Variants in THAP8 observed in about 807,000 individuals in gnomAD.
The protein encoded by THAP8 is THAP domain containing 8, also known as THAP domain-containing protein 8.
A neutral mutation model predicts 25.0 loss-of-function variants in THAP8; 24 were observed. The observed-to-expected ratio is 0.96, with a 90% CI of 0.69 to 1.35. The LOEUF is 1.35. THAP8 is among the 40% of genes most tolerant of loss of function. The probability of loss-of-function intolerance (pLI) is 0.00; values close to 1 mark genes in which losing one functional copy is unlikely to be tolerated. For missense variants in THAP8, 399 were observed against 368.8 expected (o/e 1.08, Z -0.67); for synonymous variants, 169 against 157.6 (o/e 1.07, Z -0.54).
chr19:36,039,281 C>T, intron 3 of THAP8, 42 bp downstream of exon 3: 1 of 1,424,796 alleles, frequency 7.0e-7, no homozygotes, highest in Non-Finnish European at 9.1e-7. Context: ...CAGGCCAGGC[C>T]ACCACCCATG....
upstream of THAP8, chr19:36,054,337 CTCG>C (rs1181454082): frequency 4.9e-5 from 60 of 1,219,274 alleles, no homozygotes; most frequent in Non-Finnish European, 6.7e-5. Flanking sequence ...TCCGTGGAGT[CTCG>C]TCACGTACCG....
At chr19:36,054,435 G>C (rs745605926), upstream of THAP8, 2 of 614,602 alleles carry the variant, frequency 3.3e-6, no homozygotes, top group Non-Finnish European at 5.8e-6. Flanking sequence ...ATGGGCCATA[G>C]CGAGTACTGT....
chr19:36,049,648 CT>C (rs1969996719), intron 1 of THAP8, among the ~76,000 whole-genome samples: 1 of 146,240 alleles, frequency 6.8e-6, no homozygotes, highest in South Asian at 2.3e-4. Flanking sequence ...CATCTGGCTG[CT>C]ATATACAGTC....
At chr19:36,045,796 G>A (rs761134254) in intron 1 of THAP8, 16 of 456,528 alleles carry the variant, frequency 3.5e-5, no homozygotes, top group East Asian at 2.1e-4. Flanking sequence ...ACCAGGAACC[G>A]GAACAGGCAA....
intron 3 of THAP8, among the ~76,000 whole-genome samples, chr19:36,036,471 T>C (rs1969450921): frequency 6.6e-6 from 1 of 152,064 alleles, no homozygotes; most frequent in South Asian, 2.1e-4. Flanking sequence ...GGTTTCACCA[T>C]GTTGCCCAGT....
At chr19:36,045,034 ATCCATG>A (rs1283889397) in intron 1 of THAP8, among the ~76,000 whole-genome samples, 48 of 152,326 alleles carry the variant, frequency 3.2e-4, no homozygotes, top group Admixed American at 7.2e-4. Context: ...CCCAAAAGCT[ATCCATG>A]TCCTAATTCC....
In THAP8 at chr19:36,035,546, A is replaced by T. The variant is rs373896638; in HGVS notation, c.719T>A (p.Ile240Asn). 6.2e-7 allele frequency: 1 copy of T among 1,614,082 alleles called. No individual in the cohort carries two copies. Among genetic ancestry groups the T allele is most frequent in the Non-Finnish European group, 8.5e-7 (1 of 1,180,010 alleles). ...GGCTATGTCAGGCCCTCCACAGATG[A>T]TGGTGAAGGTTTGGGATTCCTCAGG... is the stretch of plus-strand genomic sequence containing the variant. ...LGPEESQTFT[I>N]ICGGPDIAMV... is the part of the protein sequence containing the mutation. Residue 240 changes from isoleucine to asparagine, a missense_variant, in exon 4 of 4, where the codon ATC (isoleucine) becomes AAC (asparagine). Transcript: ENST00000292894.
At chr19:36,054,366 G>A (rs1381613747), upstream of THAP8, 5 of 945,450 alleles carry the variant, frequency 5.3e-6, no homozygotes, top group East Asian at 1.1e-4. Flanking sequence ...AGAGCTGAGA[G>A]CGCCTGCCTA....
At chr19:36,053,482 G>C (rs546176096) in intron 1 of THAP8, among the ~76,000 whole-genome samples, 40 of 150,418 alleles carry the variant, frequency 2.7e-4, no homozygotes, top group Non-Finnish European at 5.3e-4. Flanking sequence ...TTGAGCCCGG[G>C]AGGTCGAGGT....
intron 1 of THAP8, among the ~76,000 whole-genome samples, chr19:36,049,303 T>C (rs150290538): frequency 3.0e-4 from 45 of 151,868 alleles, no homozygotes; most frequent in African/African-American, 1.1e-3. Context: ...AGGCTGAAGC[T>C]GCATTGAGCC....
Position 36,035,310 on chromosome 19 carries a change from G to T in THAP8, c.*130C>A. 1.6e-6 allele frequency: 2 copies of T among 1,244,622 alleles called. No individual in the cohort carries two copies. The highest frequency in any genetic ancestry group is 1.1e-6 in the Non-Finnish European group (1 of 912,358). The allele number at this position is 1,244,622 out of a possible 1,614,324, so 77.1% of individuals were successfully genotyped here. ...AGAGATCCCTAGGAGTGGGGTGGTA[G>T]AACCCAGGCCCTTGAGGGAGGCACT... On this transcript the variant is annotated 3_prime_UTR_variant, in exon 4 of 4. Coordinates refer to ENST00000292894, the MANE Select transcript of THAP8 (RefSeq NM_152658.3).
chr19:36,035,232 C>A lies in THAP8; in HGVS notation c.*208G>T, dbSNP rs964244636. 3.6e-6 allele frequency: 2 copies of A among 561,406 alleles called. No homozygotes were observed. Among genetic ancestry groups the A allele is most frequent in the Admixed American group, 3.3e-5 (1 of 30,382 alleles). The allele number at this position is 561,406 out of a possible 1,614,324, so 34.8% of individuals were successfully genotyped here. A position where few individuals can be genotyped will look rare whatever the true frequency, so the allele number is the denominator to read the frequency against. ...CCGGGGGTGGCAGAAGCCTGGTACC[C>A]AGGGGATTGGGGGCTGATGAGAGAC... is the stretch of plus-strand genomic sequence containing the variant. On this transcript the variant is annotated 3_prime_UTR_variant, in exon 4 of 4. Coordinates refer to ENST00000292894, the MANE Select transcript of THAP8 (RefSeq NM_152658.3).
chr19:36,035,791 G>A (rs145127579), intron 3 of THAP8, among the ~76,000 whole-genome samples, 199 bp from the exon 4 acceptor site: 7 of 152,136 alleles, frequency 4.6e-5, no homozygotes, highest in South Asian at 2.1e-4. Flanking sequence ...GGAAAGAAGG[G>A]TGGGGAAATG....
intron 3 of THAP8, among the ~76,000 whole-genome samples, chr19:36,038,765 C>T (rs970893104): frequency 4.6e-5 from 7 of 151,692 alleles, no homozygotes; most frequent in African/African-American, 1.7e-4. Context: ...GCAGGACAAT[C>T]GCTTGAACCT....
At chr19:36,054,650 C>G, upstream of THAP8, 4 of 556,572 alleles carry the variant, frequency 7.2e-6, no homozygotes, top group Admixed American at 3.1e-5. Flanking sequence ...GTGAGGCGGC[C>G]GTGGCCTTAG....
upstream of THAP8, chr19:36,054,743 C>T: frequency 4.9e-6 from 3 of 606,220 alleles, no homozygotes; most frequent in Admixed American, 2.9e-5. Flanking sequence ...CTTAATCAGG[C>T]ATCCAGTACA....
intron 3 of THAP8, among the ~76,000 whole-genome samples, chr19:36,036,940 C>CAA (rs10522467): frequency 0.013 from 1,466 of 113,032 alleles, 26 homozygotes; most frequent in Non-Finnish European, 0.015. Context: ...GACTCCTTCT[C>CAA]AAAAAAAAAA....
At chr19:36,046,754 C>T (rs1222258472) in intron 1 of THAP8, among the ~76,000 whole-genome samples, 3 of 152,230 alleles carry the variant, frequency 2.0e-5, no homozygotes, top group Non-Finnish European at 4.4e-5. Flanking sequence ...CTACTCGTAT[C>T]TACTCTCTGC....
chr19:36,037,765 G>A (rs1163131689), intron 3 of THAP8, among the ~76,000 whole-genome samples: 8 of 151,696 alleles, frequency 5.3e-5, no homozygotes, highest in Admixed American at 5.3e-4. Context: ...TCAGCCTCCC[G>A]AGTAGCTGGG....
Sources: gnomAD v4.1 joint callset for allele counts (sites outside exome capture counted in the v4.1 genomes callset) on GRCh38, gnomAD v4.1.1 for gene constraint, MANE v1.5 for transcripts, NCBI Gene and HGNC (gene_info 2026-07-23, HGNC 2026-07-21) for gene names.